The following SLC25A21 variants were observed in gnomAD, a reference collection of about 807,000 sequenced individuals.
The protein encoded by SLC25A21 is mitochondrial 2-oxodicarboxylate carrier.
SLC25A21 carries 47 observed loss-of-function variants against 43.8 expected under a neutral mutation model. That is an observed-to-expected ratio of 1.07 (90% CI 0.85 to 1.37). The LOEUF is 1.37. Ranked by LOEUF, SLC25A21 falls within the 40% of genes most tolerant of loss-of-function variation. SLC25A21 has a pLI of 0.00. For synonymous variants in SLC25A21, 131 were observed against 121.3 expected (o/e 1.08, Z -0.52); for missense variants, 352 against 350.2 (o/e 1.00, Z -0.04).
chr14:36,990,022 A>G (rs1960229747), intron 1 of SLC25A21, among the ~76,000 whole-genome samples: 1 of 152,180 alleles, frequency 6.6e-6, no homozygotes, highest in Admixed American at 6.5e-5. Context: ...TAGAACTCTA[A>G]GTACGAGGGG....
intron 1 of SLC25A21, among the ~76,000 whole-genome samples, chr14:36,928,502 G>A (rs1892193264): frequency 6.6e-6 from 1 of 152,070 alleles, no homozygotes; most frequent in African/African-American, 2.4e-5. Flanking sequence ...TAACTAATGG[G>A]AGGTTAAAGT....
chr14:36,831,778 C>T (rs712356), intron 2 of SLC25A21, among the ~76,000 whole-genome samples: 128,734 of 152,192 alleles, frequency 0.85, 55,874 homozygotes, highest in Non-Finnish European at 0.95. Context: ...ATGCATCGAA[C>T]CTCAGAATGA....
At chr14:36,708,712 C>T (rs546444251) in intron 7 of SLC25A21, among the ~76,000 whole-genome samples, 3 of 150,814 alleles carry the variant, frequency 2.0e-5, no homozygotes, top group Non-Finnish European at 4.4e-5. Flanking sequence ...GTTGGGACTA[C>T]AGATGTGCAC....
intron 1 of SLC25A21, among the ~76,000 whole-genome samples, chr14:37,042,306 G>A (rs1961490669): frequency 6.6e-6 from 1 of 152,014 alleles, no homozygotes; most frequent in Non-Finnish European, 1.5e-5. Context: ...GTTGGGGAGG[G>A]GGAAATCTTT....
At chr14:36,948,298 G>A (rs1322765000) in intron 1 of SLC25A21, among the ~76,000 whole-genome samples, 1 of 152,176 alleles carries the variant, frequency 6.6e-6, no homozygotes, top group Non-Finnish European at 1.5e-5. Flanking sequence ...TAAATTCTTA[G>A]TTGGTATATA....
At chr14:37,051,049 C>T (rs1054333657) in intron 1 of SLC25A21, among the ~76,000 whole-genome samples, 1 of 152,140 alleles carries the variant, frequency 6.6e-6, no homozygotes, top group African/African-American at 2.4e-5. Context: ...GGCCTTAGTG[C>T]TATCTTAAAT....
chr14:37,133,597 T>A (rs916721983), intron 1 of SLC25A21, among the ~76,000 whole-genome samples: 8 of 150,578 alleles, frequency 5.3e-5, no homozygotes, highest in Admixed American at 2.0e-4. Context: ...AATCTACACA[T>A]CCCCCCTTGT....
At chr14:36,941,634 A>G (rs1170735171) in intron 1 of SLC25A21, among the ~76,000 whole-genome samples, 1 of 151,770 alleles carries the variant, frequency 6.6e-6, no homozygotes, top group Non-Finnish European at 1.5e-5. Flanking sequence ...GTAGTTTAGA[A>G]TATATAAAAT....
intron 1 of SLC25A21, among the ~76,000 whole-genome samples, chr14:36,939,900 G>A (rs565179632): frequency 5.3e-5 from 8 of 152,038 alleles, no homozygotes; most frequent in Non-Finnish European, 8.8e-5. Flanking sequence ...AGAAGATCTG[G>A]TTTCTAATTG....
intron 1 of SLC25A21, among the ~76,000 whole-genome samples, chr14:37,115,996 C>T (rs1160938758): frequency 6.6e-6 from 1 of 151,998 alleles, no homozygotes; most frequent in Admixed American, 6.6e-5. Flanking sequence ...AAGAAATTCA[C>T]ATTATATTTA....
intron 3 of SLC25A21, among the ~76,000 whole-genome samples, chr14:36,749,016 C>A (rs1226162001): frequency 6.6e-6 from 1 of 152,232 alleles, no homozygotes; most frequent in Admixed American, 6.5e-5. Flanking sequence ...GCAGCCTACT[C>A]TTCTGCCAAT....
intron 2 of SLC25A21, among the ~76,000 whole-genome samples, chr14:36,843,591 C>A (rs1205079568): frequency 6.8e-6 from 1 of 147,824 alleles, no homozygotes. Context: ...CATAACATGA[C>A]AATATTTTGC....
At chr14:36,731,090 A>G (rs1178469725) in intron 4 of SLC25A21, among the ~76,000 whole-genome samples, 1 of 150,376 alleles carries the variant, frequency 6.6e-6, no homozygotes, top group Non-Finnish European at 1.5e-5. Flanking sequence ...CTCCTGCCTC[A>G]GCCTCCCGAG....
intron 1 of SLC25A21, among the ~76,000 whole-genome samples, chr14:37,069,542 C>G (rs1330813313): frequency 6.6e-6 from 1 of 152,130 alleles, no homozygotes; most frequent in Admixed American, 6.5e-5. Context: ...CCACATGCAT[C>G]CTAATAGAAC....
chr14:36,798,834 C>T (rs1436885430), intron 3 of SLC25A21, among the ~76,000 whole-genome samples: 43 of 151,840 alleles, frequency 2.8e-4, no homozygotes, highest in African/African-American at 4.8e-5. Context: ...TCCAGCATTA[C>T]AAAAGGAGGT....
intron 1 of SLC25A21, among the ~76,000 whole-genome samples, chr14:37,071,881 T>A (rs1444395656): frequency 6.6e-6 from 1 of 152,096 alleles, no homozygotes; most frequent in Non-Finnish European, 1.5e-5. Flanking sequence ...ATACCCTTAT[T>A]CAGAGATGTT....
chr14:36,960,315 T>A (rs957637725), intron 1 of SLC25A21, among the ~76,000 whole-genome samples: 1 of 152,168 alleles, frequency 6.6e-6, no homozygotes, highest in African/African-American at 2.4e-5. Flanking sequence ...ATTCCTAAGA[T>A]AACAATGGCG....
At chr14:36,957,833 G>A (rs1959381020) in intron 1 of SLC25A21, among the ~76,000 whole-genome samples, 1 of 152,118 alleles carries the variant, frequency 6.6e-6, no homozygotes, top group Non-Finnish European at 1.5e-5. Context: ...CGTGAAAATA[G>A]TTTTATTTAT....
chr14:36,964,918 T>G (rs893730304), intron 1 of SLC25A21, among the ~76,000 whole-genome samples: 4 of 151,950 alleles, frequency 2.6e-5, no homozygotes, highest in Non-Finnish European at 5.9e-5. Context: ...ATTAATTTAG[T>G]TTTTTTTCCC....
Sources: allele counts gnomAD v4.1 joint callset (sites outside exome capture counted in the v4.1 genomes callset), GRCh38; gene constraint gnomAD v4.1.1; transcripts MANE v1.5; gene names NCBI Gene and HGNC (gene_info 2026-07-23, HGNC 2026-07-21).